The following DOCK4 variants were observed in gnomAD, a reference collection of about 807,000 sequenced individuals.
DOCK4 encodes the protein dedicator of cytokinesis 4.
DOCK4 carries 97 observed loss-of-function variants against 268.1 expected under a neutral mutation model. That is an observed-to-expected ratio of 0.36 (90% CI 0.31 to 0.43). The LOEUF (loss-of-function observed/expected upper bound fraction) is 0.43. Ranked by LOEUF, DOCK4 falls within the 20% of genes least tolerant of loss-of-function variation. The pLI is 1.00. For missense variants in DOCK4, 2,145 were observed against 2,455.7 expected, an observed-to-expected ratio of 0.87 and a Z score of 2.67; for synonymous variants, 954 against 887.2, an observed-to-expected ratio of 1.08 and a Z score of -1.34.
rs1554402961 is a variant in DOCK4, at chr7:111,983,862, G to GCACACA, written c.549+438_549+443dup. ...CACACACACGCGCGCGCGCGCGCGC[G>GCACACA]CACACACACACACACACACACACAC... On this transcript the variant is annotated intron_variant, in intron 7 of 52. Coordinates refer to ENST00000428084, the MANE Select transcript of DOCK4 (RefSeq NM_001363540.2). Among the ~76,000 whole-genome samples the GCACACA allele has an allele frequency of 2.9e-3, 407 of 138,626 alleles. 2 individuals are homozygous for GCACACA. The highest frequency in any genetic ancestry group is 6.5e-3 in the South Asian group (27 of 4,136). 90.9% of individuals were successfully genotyped at this position (138,626 alleles called of 152,430 possible).
chr7:111,857,471 A>G (rs1249927261), intron 23 of DOCK4, among the ~76,000 whole-genome samples: 1 of 152,178 alleles, frequency 6.6e-6, no homozygotes. Flanking sequence ...GCTTCTCACC[A>G]GTGGTACATG....
intron 1 of DOCK4, among the ~76,000 whole-genome samples, chr7:112,067,688 G>A (rs1807203892): frequency 6.6e-6 from 1 of 152,114 alleles, no homozygotes; most frequent in Non-Finnish European, 1.5e-5. Flanking sequence ...AGAACTTACG[G>A]CTTTGACTTC....
chr7:112,150,221 C>A (rs1815928747), intron 1 of DOCK4, among the ~76,000 whole-genome samples: 1 of 152,074 alleles, frequency 6.6e-6, no homozygotes. Flanking sequence ...CCTTTCTAAT[C>A]AAAAATCCCC....
intron 30 of DOCK4, among the ~76,000 whole-genome samples, chr7:111,792,094 A>C (rs955619353): frequency 1.3e-5 from 2 of 152,218 alleles, no homozygotes; most frequent in African/African-American, 4.8e-5. Flanking sequence ...GGTGAGTTTT[A>C]AGTCTATTAT....
Position 111,851,718 on chromosome 7 carries a change from T to C in DOCK4, c.2474-4592A>G, listed in dbSNP as rs575350417. Among the ~76,000 whole-genome samples, 7 of 152,206 alleles carry C rather than the reference T, an allele frequency of 4.6e-5. No individual in the cohort carries two copies. In the South Asian group the frequency reaches 1.5e-3, roughly 32 times the overall value. ...TCCGTGAAATACTAGCCTCAGTCTTTTCATCTGTAAAACGAGGCTAGCAAT... is the reference window on the plus strand; with the variant it reads ...TCCGTGAAATACTAGCCTCAGTCTTCTCATCTGTAAAACGAGGCTAGCAAT... On this transcript the variant is annotated intron_variant, in intron 23 of 52. Coordinates refer to ENST00000428084, the MANE Select transcript of DOCK4 (RefSeq NM_001363540.2).
chr7:112,004,075 T>C lies in DOCK4; in HGVS notation c.94A>G (p.Thr32Ala), dbSNP rs1371331708. 6.2e-7 allele frequency: 1 copy of C among 1,604,448 alleles called. No homozygotes were observed. The highest frequency in any genetic ancestry group is 8.5e-7 in the Non-Finnish European group (1 of 1,175,334). The change falls in exon 2 of 53, where the codon ACA becomes GCA. Residue 32 changes from threonine to alanine, a missense_variant. Thr to Ala is a moderately conservative substitution (Grantham distance 58). Transcript: ENST00000428084. ...TCACACTTCTCCAGGATCTGAACTG[T>C]ATCTCCAATTTCCAATGACAGGCCA... ...PYGLSLEIGD[T>A]VQILEKCDGW... is the part of the protein sequence containing the mutation.
In DOCK4 at chr7:111,998,500, T is replaced by C. The variant is rs774293038; in HGVS notation, c.166A>G (p.Ile56Val). Residue 56 changes from isoleucine (I) to valine (V), a missense_variant, in exon 4 of 53, where the codon ATA becomes GTA. This residue lies in a region of DOCK4 where 1,598 missense variants were observed against 1,986.7 expected (regional missense o/e 0.80). Transcript: ENST00000428084. Reference sequence around the variant, plus strand: ...AAGTGAACGTAGCTGGAAGGAAATATACCCTGGAAAAGAAAACATGAAGGT... The same window carrying C: ...AAGTGAACGTAGCTGGAAGGAAATACACCCTGGAAAAGAAAACATGAAGGT... The part of the protein sequence containing the change: ...FALKNPNIKG[I>V]FPSSYVHLKN... The C allele has an allele frequency of 1.3e-5, 21 of 1,586,286 alleles. No homozygotes were observed. Among genetic ancestry groups the C allele is most frequent in the Admixed American group, 1.8e-5 (1 of 56,560 alleles).
At chr7:112,079,064 T>G (rs1419572085) in intron 1 of DOCK4, among the ~76,000 whole-genome samples, 1 of 152,166 alleles carries the variant, frequency 6.6e-6, no homozygotes, top group Non-Finnish European at 1.5e-5. Context: ...GGGGCAAAGA[T>G]TGCAGTGAGC....
At chr7:112,088,094 T>A (rs561982106) in intron 1 of DOCK4, among the ~76,000 whole-genome samples, 1 of 152,138 alleles carries the variant, frequency 6.6e-6, no homozygotes, top group South Asian at 2.1e-4. Context: ...AGGTCCCGTA[T>A]GAGACCTCGC....
At position 111,841,583 on chromosome 7, in the gene DOCK4, A is replaced by G. The variant is rs897960468; in HGVS notation, c.2736+3180T>C. ...TCTGTCTGAGTACTCTTAAAAAAAAAAGTCTTAAAGCATAAAAGCAAAGAT... is the reference window on the plus strand; with the variant it reads ...TCTGTCTGAGTACTCTTAAAAAAAAGAGTCTTAAAGCATAAAAGCAAAGAT... On this transcript the variant is annotated intron_variant, in intron 25 of 52. Transcript: ENST00000428084. Among the ~76,000 whole-genome samples the G allele has an allele frequency of 2.6e-5, 4 of 152,244 alleles. No individual in the cohort carries two copies. The South Asian group carries it at 8.3e-4, about 32-fold the overall frequency.
At chr7:112,023,416 T>A in intron 1 of DOCK4, 1 of 284,458 alleles carries the variant, frequency 3.5e-6, no homozygotes, top group Non-Finnish European at 7.0e-6. Context: ...CTATTCAAGT[T>A]GTAAAGAGCA....
intron 51 of DOCK4, among the ~76,000 whole-genome samples, chr7:111,732,785 G>T (rs572144006): frequency 5.9e-5 from 9 of 152,174 alleles, no homozygotes; most frequent in Non-Finnish European, 1.0e-4. Context: ...CCCCAAATAG[G>T]TAGAAAACCC....
At chr7:112,149,796 T>C (rs943801818) in intron 1 of DOCK4, among the ~76,000 whole-genome samples, 4 of 152,230 alleles carry the variant, frequency 2.6e-5, no homozygotes, top group African/African-American at 9.6e-5. Context: ...GCACCTGATA[T>C]GCTTGTCCTA....
chr7:111,769,672 C>A lies in DOCK4; in HGVS notation c.3685G>T (p.Ala1229Ser). 1 of 1,613,028 alleles carries A rather than the reference C, an allele frequency of 6.2e-7. No homozygotes were observed. The highest frequency in any genetic ancestry group is 1.7e-5 in the Admixed American group (1 of 59,914). The change falls in exon 37 of 53, where the codon GCA (alanine) becomes TCA (serine). Residue 1229 changes from alanine to serine, a missense_variant. Coordinates refer to ENST00000428084, the MANE Select transcript of DOCK4 (RefSeq NM_001363540.2). ...HLKAQNFTEA[A>S]YTLLLYDELL... is the part of the protein sequence containing the mutation. ...TCGTCATATAAGAGGAGGGTATATG[C>A]AGCTTCTGCAAGTCACGTGAGAAGA...
intron 36 of DOCK4, among the ~76,000 whole-genome samples, chr7:111,773,260 T>C (rs966040828): frequency 1.6e-4 from 25 of 152,190 alleles, no homozygotes; most frequent in African/African-American, 5.5e-4. Context: ...CCTAGAAAGA[T>C]AGAAAAGTTC....
chr7:111,932,694 A>G (rs1317563306), intron 12 of DOCK4, among the ~76,000 whole-genome samples: 1 of 152,198 alleles, frequency 6.6e-6, no homozygotes, highest in Non-Finnish European at 1.5e-5. Context: ...AATCAATATG[A>G]AAATTATTGA....
chr7:112,169,007 T>G (rs1337345524), intron 1 of DOCK4, among the ~76,000 whole-genome samples: 1 of 152,232 alleles, frequency 6.6e-6, no homozygotes, highest in South Asian at 2.1e-4. Context: ...CCAAATCTCA[T>G]GTGGAACTGT....
chr7:112,140,365 G>A (rs1303975593), intron 1 of DOCK4, among the ~76,000 whole-genome samples: 3 of 152,022 alleles, frequency 2.0e-5, no homozygotes, highest in Non-Finnish European at 2.9e-5. Flanking sequence ...TGATACATTC[G>A]GTCTTCAGCA....
At chr7:111,816,323 T>G (rs1423808430) in intron 27 of DOCK4, among the ~76,000 whole-genome samples, 1 of 152,148 alleles carries the variant, frequency 6.6e-6, no homozygotes, top group Non-Finnish European at 1.5e-5. Flanking sequence ...CATCTAAACC[T>G]AGAGTCCAGC....
Sources: allele counts gnomAD v4.1 joint callset (sites outside exome capture counted in the v4.1 genomes callset), GRCh38; gene constraint gnomAD v4.1.1; regional missense constraint gnomAD v4.1.1; transcripts MANE v1.5; gene names NCBI Gene and HGNC (gene_info 2026-07-23, HGNC 2026-07-21).